The following NCALD variants were observed in gnomAD, a reference collection of about 807,000 sequenced individuals.
The protein encoded by NCALD is neurocalcin delta, also known as neurocalcin-delta.
Under a neutral mutation model 18.6 loss-of-function variants are expected in NCALD, and 10 were observed. The observed-to-expected ratio is 0.54, with a 90% CI of 0.33 to 0.91. The LOEUF (loss-of-function observed/expected upper bound fraction) is 0.91, where lower values mean the gene tolerates loss of function less well. Ranked by LOEUF, NCALD falls within the 40% of genes least tolerant of loss-of-function variation. The pLI, the probability that NCALD is intolerant of heterozygous loss-of-function variation, is 0.03. For synonymous variants in NCALD, 88 were observed against 87.4 expected (o/e 1.01, Z -0.04); for missense variants, 184 against 247.6 (o/e 0.74, Z 1.72).
At chr8:101,985,284 C>G (rs1237011589) in intron 2 of NCALD, among the ~76,000 whole-genome samples, 2 of 152,044 alleles carry the variant, frequency 1.3e-5, no homozygotes, top group Admixed American at 6.5e-5. Context: ...GAAGGTGGAC[C>G]CCCCAGCCTC....
At chr8:101,763,966 C>CT (rs1491550100) in intron 1 of NCALD, among the ~76,000 whole-genome samples, 2,331 of 85,262 alleles carry the variant, frequency 0.027, 84 homozygotes, top group African/African-American at 0.087. Flanking sequence ...CTCTCTCTCT[C>CT]CACACACACA....
intron 4 of NCALD, among the ~76,000 whole-genome samples, chr8:101,798,263 A>C (rs1812714886): frequency 6.6e-6 from 1 of 152,200 alleles, no homozygotes; most frequent in African/African-American, 2.4e-5. Context: ...AACCCCAAGG[A>C]ATCTGCAAAA....
At chr8:101,885,034 C>G (rs1816627970) in intron 4 of NCALD, among the ~76,000 whole-genome samples, 1 of 152,102 alleles carries the variant, frequency 6.6e-6, no homozygotes, top group Non-Finnish European at 1.5e-5. Flanking sequence ...CGCATTCATT[C>G]TTTTAAGAGG....
intron 1 of NCALD, among the ~76,000 whole-genome samples, chr8:102,085,864 A>T (rs1824721453): frequency 6.6e-6 from 1 of 152,146 alleles, no homozygotes; most frequent in Admixed American, 6.5e-5. Flanking sequence ...AAGCAGAAAA[A>T]GCTAAAACTC....
chr8:101,942,343 C>T (rs906898678), intron 2 of NCALD, among the ~76,000 whole-genome samples: 4 of 152,284 alleles, frequency 2.6e-5, no homozygotes, highest in South Asian at 2.1e-4. Flanking sequence ...TGTGCTATGG[C>T]AACTTTTCAT....
In NCALD at chr8:101,719,119, A is replaced by G. The variant is rs1479219216; in HGVS notation, c.378+133T>C. 6.8e-6 allele frequency: 7 copies of G among 1,035,590 alleles called. No homozygotes were observed. In the Admixed American group the frequency reaches 1.0e-4, roughly 15 times the overall value. The allele number at this position is 1,035,590 out of a possible 1,614,324, so 64.2% of individuals were successfully genotyped here. A position where few individuals can be genotyped will look rare whatever the true frequency, so the allele number is the denominator to read the frequency against. On this transcript the variant is annotated intron_variant, in intron 2 of 3. Coordinates refer to ENST00000220931, the MANE Select transcript of NCALD (RefSeq NM_032041.3). ...GTAATGCAGTTTAAACTGTTCAAAC[A>G]TGCAGGGTGGGCCAAATGAAGTGTC...
At chr8:101,734,963 C>T (rs1010718942) in intron 1 of NCALD, among the ~76,000 whole-genome samples, 3 of 151,750 alleles carry the variant, frequency 2.0e-5, no homozygotes, top group Non-Finnish European at 4.4e-5. Flanking sequence ...TAAAAGAGGA[C>T]GTAGAACAAC....
intron 1 of NCALD, among the ~76,000 whole-genome samples, chr8:101,757,303 T>C (rs998289077): frequency 1.3e-5 from 2 of 152,210 alleles, no homozygotes; most frequent in Admixed American, 6.5e-5. Context: ...GAAAAGTAAC[T>C]GAACATTCAA....
chr8:101,947,441 C>T (rs958702215), intron 2 of NCALD, among the ~76,000 whole-genome samples: 2 of 152,182 alleles, frequency 1.3e-5, no homozygotes, highest in Admixed American at 6.5e-5. Context: ...AATCATTAGG[C>T]ATTCACCTTA....
At chr8:102,114,904 T>C (rs1825739362) in intron 1 of NCALD, among the ~76,000 whole-genome samples, 1 of 152,182 alleles carries the variant, frequency 6.6e-6, no homozygotes, top group African/African-American at 2.4e-5. Context: ...CAGAGGAAAC[T>C]GGCCTGGTCA....
chr8:101,742,981 C>A (rs562075123), intron 1 of NCALD, among the ~76,000 whole-genome samples: 1 of 152,204 alleles, frequency 6.6e-6, no homozygotes, highest in East Asian at 1.9e-4. Flanking sequence ...GCTCCATCCA[C>A]GTCCCTGCAA....
chr8:101,784,922 C>T (rs1377735798), intron 1 of NCALD, among the ~76,000 whole-genome samples: 1 of 152,012 alleles, frequency 6.6e-6, no homozygotes, highest in Non-Finnish European at 1.5e-5. Flanking sequence ...GTCCTCACAA[C>T]ATCATTGACA....
intron 4 of NCALD, among the ~76,000 whole-genome samples, chr8:101,844,176 C>A (rs1308598821): frequency 6.6e-6 from 1 of 152,188 alleles, no homozygotes; most frequent in Non-Finnish European, 1.5e-5. Flanking sequence ...CATATTCTCA[C>A]TGGCATCCCA....
At chr8:101,870,431 TAAAC>T (rs1272818347) in intron 4 of NCALD, among the ~76,000 whole-genome samples, 1 of 152,186 alleles carries the variant, frequency 6.6e-6, no homozygotes, top group Non-Finnish European at 1.5e-5. Flanking sequence ...ATGAAACAAA[TAAAC>T]AAGAATAAAA....
intron 1 of NCALD, among the ~76,000 whole-genome samples, chr8:102,021,299 A>G (rs1236244582): frequency 6.6e-6 from 1 of 152,206 alleles, no homozygotes; most frequent in Non-Finnish European, 1.5e-5. Flanking sequence ...ATTCATATTG[A>G]TAATTTAATA....
intron 1 of NCALD, among the ~76,000 whole-genome samples, chr8:101,736,257 T>C (rs1221669272): frequency 6.6e-6 from 1 of 152,204 alleles, no homozygotes; most frequent in Non-Finnish European, 1.5e-5. Flanking sequence ...TCGTATCCCT[T>C]TAGTGTATGT....
At chr8:101,833,610 G>GTTTTTTTTTTTT (rs555031298) in intron 4 of NCALD, among the ~76,000 whole-genome samples, 44 of 88,444 alleles carry the variant, frequency 5.0e-4, no homozygotes, top group African/African-American at 8.0e-4. Context: ...TTTGTTTCTT[G>GTTTTTTTTTTTT]TTTTTTTTTT....
At chr8:101,929,304 A>AAAGG (rs558045467) in intron 2 of NCALD, among the ~76,000 whole-genome samples, 5 of 23,152 alleles carry the variant, frequency 2.2e-4, no homozygotes, top group Non-Finnish European at 4.2e-4. Context: ...AGGGAGGAAG[A>AAAGG]AAGGAAGGAA....
intron 3 of NCALD, among the ~76,000 whole-genome samples, chr8:101,895,022 C>T (rs1046574011): frequency 6.6e-6 from 1 of 150,418 alleles, no homozygotes; most frequent in African/African-American, 2.5e-5. Context: ...ATGAGGCCAG[C>T]ATCATTCTGA....
Sources: allele counts gnomAD v4.1 joint callset (sites outside exome capture counted in the v4.1 genomes callset), GRCh38; gene constraint gnomAD v4.1.1; transcripts MANE v1.5; gene names NCBI Gene and HGNC (gene_info 2026-07-23, HGNC 2026-07-21).